ADGRB3: variants seen among roughly 807,000 people sequenced by gnomAD.
ADGRB3 encodes brain-specific angiogenesis inhibitor 3.
A neutral mutation model predicts 193.4 loss-of-function variants in ADGRB3; 37 were observed. The ratio of observed to expected loss-of-function variants is 0.19; its 90% CI spans 0.15 to 0.25. ADGRB3 has a LOEUF of 0.25. Ranked by LOEUF, ADGRB3 falls within the 10% of genes least tolerant of loss-of-function variation. ADGRB3 has a pLI of 1.00. For synonymous variants in ADGRB3, 690 were observed against 644.2 expected, an observed-to-expected ratio of 1.07 and a Z score of -1.08; for missense variants, 1,637 against 1,852.9, an observed-to-expected ratio of 0.88 and a Z score of 2.14.
At chr6:69,281,610 T>A (rs751940166) in intron 20 of ADGRB3, among the ~76,000 whole-genome samples, 2 of 152,192 alleles carry the variant, frequency 1.3e-5, no homozygotes, top group Non-Finnish European at 2.9e-5. Context: ...TACATTGCTC[T>A]AAGTTCTCTC....
chr6:68,769,585 G>A (rs572065701), intron 3 of ADGRB3, among the ~76,000 whole-genome samples: 66 of 152,222 alleles, frequency 4.3e-4, no homozygotes, highest in African/African-American at 1.5e-3. Context: ...AATACCTAAT[G>A]TAGGTGATGG....
At chr6:68,791,833 G>A (rs1029555535) in intron 3 of ADGRB3, among the ~76,000 whole-genome samples, 2 of 152,046 alleles carry the variant, frequency 1.3e-5, no homozygotes, top group African/African-American at 2.4e-5. Flanking sequence ...TGACAATATA[G>A]AACATTTTGG....
At chr6:68,840,617 G>A (rs752301061) in intron 3 of ADGRB3, among the ~76,000 whole-genome samples, 8 of 151,858 alleles carry the variant, frequency 5.3e-5, no homozygotes, top group Non-Finnish European at 8.8e-5. Flanking sequence ...ACCTTGTCTT[G>A]TGGGTTGGGT....
intron 3 of ADGRB3, among the ~76,000 whole-genome samples, chr6:68,831,156 G>A (rs1043910657): frequency 4.0e-5 from 6 of 151,656 alleles, no homozygotes; most frequent in Non-Finnish European, 8.8e-5. Flanking sequence ...TACAAGAAGG[G>A]GCACATTTGA....
At position 69,068,326 on chromosome 6, in the gene ADGRB3, C is replaced by T. The variant is rs1771969777; in HGVS notation, c.2436+5290C>T. 2.0e-5 allele frequency among the ~76,000 whole-genome samples: 3 copies of T among 152,066 alleles called. No homozygotes were observed. The South Asian group carries it at 6.2e-4, about 32-fold the overall frequency. The stretch of plus-strand genomic sequence containing the variant: ...AGTATTAGGACATATCATTATATTG[C>T]TTTTGGACGTAAAAGAAAAAGACAT... On this transcript the variant is annotated intron_variant, in intron 16 of 31. Coordinates refer to ENST00000370598, the MANE Select transcript of ADGRB3 (RefSeq NM_001704.3).
chr6:69,213,807 G>T (rs960815238), intron 17 of ADGRB3, among the ~76,000 whole-genome samples: 2 of 152,162 alleles, frequency 1.3e-5, no homozygotes, highest in Non-Finnish European at 2.9e-5. Flanking sequence ...TTGATAGAGA[G>T]AATGTGATAC....
intron 3 of ADGRB3, among the ~76,000 whole-genome samples, chr6:68,715,090 A>G (rs1765467695): frequency 2.0e-5 from 3 of 151,798 alleles, no homozygotes; most frequent in Admixed American, 2.0e-4. Flanking sequence ...CTTTGAAACT[A>G]TTTCTTTCAT....
chr6:69,330,526 G>A lies in ADGRB3; in HGVS notation c.3056G>A (p.Gly1019Glu). 1 of 1,606,528 alleles carries A rather than the reference G, an allele frequency of 6.2e-7. No individual in the cohort carries two copies. The highest frequency in any genetic ancestry group is 8.5e-7 in the Non-Finnish European group (1 of 1,175,676). ...TTCAGCTGCTGGCTCTCTCTTGAAG[G>A]AGGACTACTCTATGCTTTTGTGGGA... ...TDHYCWLSLE[G>E]GLLYAFVGPA... Residue 1019 changes from glycine (G) to glutamate (E), a missense_variant, in exon 23 of 32, where the codon GGA (glycine) becomes GAA (glutamate). Gly to Glu is a moderately conservative substitution (Grantham distance 98). Transcript: ENST00000370598.
intron 20 of ADGRB3, among the ~76,000 whole-genome samples, chr6:69,296,230 A>G (rs911897765): frequency 2.0e-5 from 3 of 152,166 alleles, no homozygotes; most frequent in African/African-American, 7.2e-5. Context: ...AATAAGTACA[A>G]TTGACAGAAT....
At chr6:69,274,616 TCC>T (rs1336395976) in intron 20 of ADGRB3, among the ~76,000 whole-genome samples, 1,380 of 77,954 alleles carry the variant, frequency 0.018, 33 homozygotes, top group African/African-American at 0.054. Flanking sequence ...CCTCCCTCCC[TCC>T]CTCCCTTCCT....
At chr6:68,902,735 T>A (rs1054706454) in intron 3 of ADGRB3, among the ~76,000 whole-genome samples, 16 of 152,200 alleles carry the variant, frequency 1.1e-4, no homozygotes, top group Non-Finnish European at 4.4e-5. Context: ...TGCATTTGTA[T>A]GATAAACTGA....
intron 3 of ADGRB3, among the ~76,000 whole-genome samples, chr6:68,711,432 T>C (rs1000738001): frequency 1.8e-4 from 28 of 152,036 alleles, no homozygotes; most frequent in African/African-American, 6.5e-4. Flanking sequence ...ATTATGAAAA[T>C]GCCAGAAAAA....
chr6:69,277,487 G>A (rs994833199), intron 20 of ADGRB3, among the ~76,000 whole-genome samples: 1 of 152,100 alleles, frequency 6.6e-6, no homozygotes, highest in Non-Finnish European at 1.5e-5. Flanking sequence ...AAAGTCACCA[G>A]GGAGTTGGCA....
intron 8 of ADGRB3, among the ~76,000 whole-genome samples, chr6:68,973,052 A>T (rs1196659956): frequency 6.6e-6 from 1 of 152,220 alleles, no homozygotes; most frequent in Non-Finnish European, 1.5e-5. Context: ...ACACAAATTG[A>T]AAACATTGCC....
chr6:69,232,417 C>T (rs1766163860), intron 17 of ADGRB3: 2 of 1,464,152 alleles, frequency 1.4e-6, no homozygotes, highest in Non-Finnish European at 1.8e-6. Flanking sequence ...TATGCTTTAG[C>T]ATTTTAAATG....
At chr6:69,233,511 A>G (rs1403707537) in intron 18 of ADGRB3, 95 bp downstream of exon 18, 1 of 1,468,790 alleles carries the variant, frequency 6.8e-7, no homozygotes, top group African/African-American at 2.2e-5. Context: ...GGGGAAATGG[A>G]AAATGTTGCA....
At chr6:69,347,359 T>C (rs772972156) in intron 26 of ADGRB3, among the ~76,000 whole-genome samples, 2 of 152,064 alleles carry the variant, frequency 1.3e-5, no homozygotes, top group Non-Finnish European at 2.9e-5. Flanking sequence ...ATTATAATAA[T>C]AATAAATAAA....
At chr6:68,967,449 T>G (rs1290081375) in intron 8 of ADGRB3, among the ~76,000 whole-genome samples, 3 of 152,146 alleles carry the variant, frequency 2.0e-5, no homozygotes, top group Non-Finnish European at 2.9e-5. Context: ...AGGATCTTAG[T>G]AAGTCAGATA....
chr6:69,137,919 C>T lies in ADGRB3; in HGVS notation c.2480+61881C>T, dbSNP rs142703908. 2.8e-3 allele frequency among the ~76,000 whole-genome samples: 433 copies of T among 152,312 alleles called. 2 individuals carry two copies. The highest frequency in any genetic ancestry group is 9.8e-3 in the African/African-American group (409 of 41,570). On this transcript the variant is annotated intron_variant, in intron 17 of 31. Coordinates refer to ENST00000370598, the MANE Select transcript of ADGRB3 (RefSeq NM_001704.3). ...AATGTTTGGCAGAATGGCCTTCTTC[C>T]GTGCTGTCATTCAGCAACTCAGTTG...
Sources: gnomAD v4.1 joint callset for allele counts (sites outside exome capture counted in the v4.1 genomes callset) on GRCh38, gnomAD v4.1.1 for gene constraint, MANE v1.5 for transcripts, NCBI Gene and HGNC (gene_info 2026-07-23, HGNC 2026-07-21) for gene names.